Variants in DHPS observed in about 807,000 individuals in gnomAD.
DHPS encodes deoxyhypusine synthase.
DHPS carries 24 observed loss-of-function variants against 38.7 expected under a neutral mutation model. The observed-to-expected ratio is 0.62, with a 90% confidence interval of 0.45 to 0.87. DHPS has a LOEUF of 0.87. Among genes scored for constraint, DHPS ranks in the 40% least tolerant of loss-of-function variants. The pLI, the probability that DHPS is intolerant of heterozygous loss-of-function variation, is 0.00. For synonymous variants in DHPS, 250 were observed against 204.4 expected, an observed-to-expected ratio of 1.22 and a Z score of -1.90; for missense variants, 510 against 497.6, an observed-to-expected ratio of 1.02 and a Z score of -0.24.
At position 12,680,122 on chromosome 19, in the gene DHPS, G is replaced by A. The variant is rs117917486; in HGVS notation, c.372+39C>T. 8,440 of 1,609,562 alleles carry A rather than the reference G, an allele frequency of 5.2e-3. 76 individuals carry two copies. Among genetic ancestry groups the A allele is most frequent in the Non-Finnish European group, 4.3e-3 (5,107 of 1,176,500 alleles). On this transcript the variant is annotated intron_variant, in intron 2 of 8. Transcript: ENST00000210060. ...ACGATCAATAACTGCATTGCCCATT[G>A]ACCCAGAGGCCAAGGCCACGGCCTC...
In DHPS at chr19:12,679,495, T is replaced by C. The variant is rs773829071; in HGVS notation, c.640A>G (p.Ile214Val). Residue 214 changes from isoleucine to valine, a missense_variant, in exon 5 of 9, where the codon ATC becomes GTC. Coordinates refer to ENST00000210060, the MANE Select transcript of DHPS (RefSeq NM_001930.4). ...SKMIARLGKE[I>V]NNPESVYYWA... ...TAATACACGGACTCTGGGTTGTTGA[T>C]CTCCTTGCCCAGCCGGGCGATCATC... 11 of 1,614,010 alleles carry C rather than the reference T, an allele frequency of 6.8e-6. No homozygotes were observed. Among genetic ancestry groups the C allele is most frequent in the Non-Finnish European group, 9.3e-6 (11 of 1,180,020 alleles).
chr19:12,674,549 C>T (rs992816456), downstream of DHPS, among the ~76,000 whole-genome samples: 4 of 152,188 alleles, frequency 2.6e-5, no homozygotes, highest in African/African-American at 9.6e-5. Flanking sequence ...CAGAAGTTGC[C>T]TTGGAGGGCA....
rs1156567991 is a variant in DHPS at position 12,677,192 on chromosome 19, T to C, written c.804A>G (p.Thr268=). The stretch of plus-strand genomic sequence containing the variant: ...CAGTGCACTTGGCAAAGATGGCCTG[T>C]GTGTTGATGAGCCTCAGGTCTGGGG... ...DIVEDLRLIN[T]QAIFAKCTGM... is the part of the protein sequence containing the mutation. The change falls in exon 7 of 9, where the codon ACA becomes ACG. Residue 268 remains threonine (T), a synonymous_variant. Transcript: ENST00000210060. The C allele has an allele frequency of 6.2e-7, 1 of 1,614,220 alleles. No individual in the cohort carries two copies.
downstream of DHPS, among the ~76,000 whole-genome samples, chr19:12,675,225 G>A (rs188146874): frequency 6.6e-6 from 1 of 152,168 alleles, no homozygotes; most frequent in Non-Finnish European, 1.5e-5. Flanking sequence ...CCAGGAGTTC[G>A]AGACCAGCCT....
chr19:12,677,623 G>A (rs927306337), intron 5 of DHPS, among the ~76,000 whole-genome samples: 4 of 152,030 alleles, frequency 2.6e-5, no homozygotes, highest in African/African-American at 9.7e-5. Context: ...TTAGCTTGCT[G>A]AGCTGTTTCT....
rs1427795902 is a variant in DHPS at position 12,679,932 on chromosome 19, C to A, written c.373-10G>T. The A allele has an allele frequency of 2.5e-6, 4 of 1,608,970 alleles. No homozygotes were observed. The highest frequency in any genetic ancestry group is 1.7e-4 in the Middle Eastern group (1 of 6,042). Reference sequence around the variant, plus strand: ...TCACCAATACGTCCACCTGCAGCCACAAGGCAGTGAATTTGGCCCAAGAAG... The same window carrying A: ...TCACCAATACGTCCACCTGCAGCCAAAAGGCAGTGAATTTGGCCCAAGAAG... On this transcript the variant is annotated splice_polypyrimidine_tract_variant and intron_variant, in intron 2 of 8. Transcript: ENST00000210060.
At chr19:12,673,374 C>T (rs888304991), downstream of DHPS, 8 of 1,184,338 alleles carry the variant, frequency 6.8e-6, no homozygotes, top group Admixed American at 1.0e-4. Flanking sequence ...CAGCCCTGTC[C>T]TTACCTCAGT....
In DHPS at chr19:12,680,297, T is replaced by C; in HGVS notation, c.236A>G (p.Gln79Arg). The C allele has an allele frequency of 6.2e-7, 1 of 1,614,196 alleles. No homozygotes were observed. The highest frequency in any genetic ancestry group is 8.5e-7 in the Non-Finnish European group (1 of 1,180,034). ...MIEKKLEPLS[Q>R]DEDQHADLTQ... The stretch of plus-strand genomic sequence containing the variant: ...CAGGTCCGCGTGCTGGTCTTCATCC[T>C]GTGACAGTGGTTCCAGCTTCTTCTC... Residue 79 changes from glutamine to arginine, a missense_variant, in exon 2 of 9, where the codon CAG becomes CGG. Physicochemically the swap from Gln to Arg is conservative, Grantham distance 43. Transcript: ENST00000210060.
At chr19:12,679,424 G>C (rs1025095911) in intron 5 of DHPS, 33 bp downstream of exon 5, 36 of 1,599,298 alleles carry the variant, frequency 2.3e-5, no homozygotes, top group Non-Finnish European at 2.8e-5. Flanking sequence ...ACATGCCAAA[G>C]TCTGGCTACT....
At chr19:12,678,146 G>A (rs182548009) in intron 5 of DHPS, among the ~76,000 whole-genome samples, 32 of 151,872 alleles carry the variant, frequency 2.1e-4, no homozygotes, top group African/African-American at 7.5e-4. Flanking sequence ...CAGCTACTTG[G>A]GAACTTGATG....
intron 6 of DHPS, 29 bp from the exon 7 acceptor site, chr19:12,677,240 T>TG: frequency 6.2e-7 from 1 of 1,613,982 alleles, no homozygotes; most frequent in African/African-American, 1.3e-5. Context: ...AGTCAGGCCT[T>TG]GGACTCAGCC....
chr19:12,677,267 T>C (rs776254007), intron 6 of DHPS, 24 bp downstream of exon 6: 6 of 1,613,834 alleles, frequency 3.7e-6, no homozygotes, highest in African/African-American at 1.3e-5. Flanking sequence ...CCTTCCCCTC[T>C]CCTCTGTGGC....
chr19:12,675,704 C>T (rs756634410), downstream of DHPS: 13 of 1,596,216 alleles, frequency 8.1e-6, no homozygotes, highest in Admixed American at 1.7e-4. Flanking sequence ...GACCAAGGAC[C>T]GAGACACAGA....
At chr19:12,675,029 G>C (rs1034268733), downstream of DHPS, among the ~76,000 whole-genome samples, 4 of 151,940 alleles carry the variant, frequency 2.6e-5, no homozygotes, top group Non-Finnish European at 5.9e-5. Context: ...CAGGAGAATC[G>C]CTTGAACTAG....
Position 12,677,337 on chromosome 19 carries a change from G to A in DHPS, c.738C>T (p.Phe246=), listed in dbSNP as rs747003113. 5.0e-6 allele frequency: 8 copies of A among 1,614,092 alleles called. No homozygotes were observed. The African/African-American group carries it at 9.3e-5, about 19-fold the overall frequency. The change falls in exon 6 of 9, where the codon TTC becomes TTT. Residue 246 remains phenylalanine (F), a synonymous_variant. Transcript: ENST00000210060. ...GGCCCGGGTTCTTGTAGGAATGGAA[G>A]AAGATCATGTCGCCCAGCGAGCCGT... ...LTDGSLGDMI[F]FHSYKNPGLV...
At chr19:12,675,528 G>T, downstream of DHPS, 1 of 1,604,394 alleles carries the variant, frequency 6.2e-7, no homozygotes. Context: ...CACAGGGTGC[G>T]CTGGCTCTGG....
At chr19:12,681,278 G>T in intron 1 of DHPS, 3 of 1,289,168 alleles carry the variant, frequency 2.3e-6, no homozygotes, top group Non-Finnish European at 3.0e-6. Flanking sequence ...CCCAGGCTCC[G>T]CCCATTCCAG....
In DHPS at chr19:12,681,665, G is replaced by A; in HGVS notation, c.102C>T (p.Tyr34=). The A allele has an allele frequency of 6.2e-7, 1 of 1,614,224 alleles. No individual in the cohort carries two copies. The highest frequency in any genetic ancestry group is 8.5e-7 in the Non-Finnish European group (1 of 1,180,050). Residue 34 remains tyrosine, a synonymous_variant, in exon 1 of 9, where the codon TAC becomes TAT. Coordinates refer to ENST00000210060, the MANE Select transcript of DHPS (RefSeq NM_001930.4). ...GGTAATTCACACCGCGGTTGAAGTC[G>A]TAGCCCCGGACCTGGGTGCTTTCGG... ...LPPESTQVRG[Y]DFNRGVNYRA...
Position 12,681,849 on chromosome 19 carries a change from G to A in DHPS, c.-83C>T. ...AGAAACGCGTTAAACCCCGACGCGC[G>A]CGTCTCCGCAAGAGCACAGGAAGTA... On this transcript the variant is annotated 5_prime_UTR_variant, in exon 1 of 9. Coordinates refer to ENST00000210060, the MANE Select transcript of DHPS (RefSeq NM_001930.4). The A allele has an allele frequency of 8.0e-7, 1 of 1,247,998 alleles. No homozygotes were observed. The highest frequency in any genetic ancestry group is 1.1e-6 in the Non-Finnish European group (1 of 885,388). The allele number at this position is 1,247,998 out of a possible 1,614,324, so 77.3% of individuals were successfully genotyped here.
Sources: gnomAD v4.1 joint callset for allele counts (sites outside exome capture counted in the v4.1 genomes callset) on GRCh38, gnomAD v4.1.1 for gene constraint, MANE v1.5 for transcripts, NCBI Gene and HGNC (gene_info 2026-07-23, HGNC 2026-07-21) for gene names.